The following FNBP1L variants were observed in gnomAD, a reference collection of about 807,000 sequenced individuals.
FNBP1L encodes formin-binding protein 1-like.
A neutral mutation model predicts 91.2 loss-of-function variants in FNBP1L; 36 were observed. That is an observed-to-expected ratio of 0.39 (90% CI 0.30 to 0.52). The LOEUF (loss-of-function observed/expected upper bound fraction) is 0.52. FNBP1L is among the 20% of genes least tolerant of loss of function. The pLI is 0.66. For synonymous variants in FNBP1L, 242 were observed against 237.0 expected, an observed-to-expected ratio of 1.02 and a Z score of -0.19; for missense variants, 571 against 732.1, an observed-to-expected ratio of 0.78 and a Z score of 2.54.
chr1:93,527,695 C>T (rs958714816), intron 5 of FNBP1L, among the ~76,000 whole-genome samples: 4 of 151,986 alleles, frequency 2.6e-5, no homozygotes, highest in Admixed American at 6.6e-5. Flanking sequence ...AAAGCCCGAT[C>T]GGTGGAGCTT....
At chr1:93,514,343 C>G (rs557464508) in intron 2 of FNBP1L, among the ~76,000 whole-genome samples, 2,641 of 151,596 alleles carry the variant, frequency 0.017, 39 homozygotes, top group Non-Finnish European at 0.027. Context: ...CCATACTGCC[C>G]AAGGTAATTT....
chr1:93,550,113 GGTCT>G (rs1191312225), intron 15 of FNBP1L, among the ~76,000 whole-genome samples: 1 of 152,164 alleles, frequency 6.6e-6, no homozygotes, highest in African/African-American at 2.4e-5. Flanking sequence ...CTTGATTTAA[GGTCT>G]TTCTCCCCAC....
chr1:93,448,864 C>G (rs1668375556), intron 1 of FNBP1L, among the ~76,000 whole-genome samples: 2 of 152,160 alleles, frequency 1.3e-5, no homozygotes, highest in Non-Finnish European at 2.9e-5. Flanking sequence ...GTTCGGAGCC[C>G]GGCCTCGGGC....
intron 1 of FNBP1L, among the ~76,000 whole-genome samples, chr1:93,456,931 C>G (rs1436593625): frequency 6.6e-6 from 1 of 152,138 alleles, no homozygotes; most frequent in Admixed American, 6.5e-5. Context: ...TTCCATAGCC[C>G]AGGCTGGAGT....
At chr1:93,452,229 T>A (rs1399444312) in intron 1 of FNBP1L, among the ~76,000 whole-genome samples, 6 of 152,230 alleles carry the variant, frequency 3.9e-5, no homozygotes, top group Admixed American at 3.9e-4. Flanking sequence ...TTTGCCCAAT[T>A]GCATTAATAG....
intron 1 of FNBP1L, among the ~76,000 whole-genome samples, chr1:93,458,442 A>G (rs1291284132): frequency 6.6e-6 from 1 of 152,154 alleles, no homozygotes; most frequent in East Asian, 1.9e-4. Context: ...GAAGAATGAA[A>G]CTAGACCTTC....
intron 11 of FNBP1L, 160 bp from the exon 12 acceptor site, chr1:93,543,947 A>G (rs1424238687): frequency 2.2e-6 from 1 of 450,538 alleles, no homozygotes; most frequent in Non-Finnish European, 4.1e-6. Context: ...ACGCATAAAC[A>G]CACACATCTG....
intron 2 of FNBP1L, among the ~76,000 whole-genome samples, chr1:93,513,281 C>T (rs890811591): frequency 7.3e-5 from 11 of 151,352 alleles, no homozygotes; most frequent in East Asian, 1.9e-4. Flanking sequence ...TAATCAATAG[C>T]TTACCAACCA....
At chr1:93,463,859 A>G (rs1484917065) in intron 1 of FNBP1L, among the ~76,000 whole-genome samples, 2 of 152,160 alleles carry the variant, frequency 1.3e-5, no homozygotes, top group Non-Finnish European at 2.9e-5. Flanking sequence ...CTCCTATCAC[A>G]TTTTACATTC....
At chr1:93,498,760 G>T (rs1382134805) in intron 1 of FNBP1L, among the ~76,000 whole-genome samples, 1 of 152,116 alleles carries the variant, frequency 6.6e-6, no homozygotes, top group Non-Finnish European at 1.5e-5. Context: ...TAGGACAGTG[G>T]TACTCTATTA....
chr1:93,454,314 T>TTGTG (rs899927941), intron 1 of FNBP1L, among the ~76,000 whole-genome samples: 5 of 145,886 alleles, frequency 3.4e-5, no homozygotes, highest in Admixed American at 6.9e-5. Flanking sequence ...CATGAACCTC[T>TTGTG]TGTGTGTGTG....
At chr1:93,494,350 C>T (rs914699323) in intron 1 of FNBP1L, among the ~76,000 whole-genome samples, 5 of 152,178 alleles carry the variant, frequency 3.3e-5, no homozygotes, top group Non-Finnish European at 5.9e-5. Context: ...TGTTCACCTA[C>T]CCAGAAGGTT....
chr1:93,448,462 C>T (rs1271684288), intron 1 of FNBP1L, among the ~76,000 whole-genome samples, 157 bp downstream of exon 1: 2 of 152,170 alleles, frequency 1.3e-5, no homozygotes, highest in Non-Finnish European at 2.9e-5. Flanking sequence ...TGTGCAGACT[C>T]CTCTTCCCTT....
intron 4 of FNBP1L, 104 bp from the exon 5 acceptor site, chr1:93,524,157 G>T: frequency 1.2e-6 from 1 of 844,428 alleles, no homozygotes. Context: ...AAAGTGAAAA[G>T]CCTTTTGGGG....
At chr1:93,516,541 C>T (rs754551657) in intron 2 of FNBP1L, among the ~76,000 whole-genome samples, 4 of 152,090 alleles carry the variant, frequency 2.6e-5, no homozygotes, top group East Asian at 1.9e-4. Context: ...CTGGGCTGGG[C>T]ACGATGGCTC....
intron 2 of FNBP1L, among the ~76,000 whole-genome samples, chr1:93,512,943 AG>A (rs1670915427): frequency 6.6e-6 from 1 of 152,094 alleles, no homozygotes; most frequent in Non-Finnish European, 1.5e-5. Flanking sequence ...TGAAGGAAAT[AG>A]AGACACAAAA....
At chr1:93,449,220 A>C (rs1668394523) in intron 1 of FNBP1L, among the ~76,000 whole-genome samples, 2 of 151,936 alleles carry the variant, frequency 1.3e-5, no homozygotes, top group African/African-American at 4.8e-5. Context: ...AGGTCGGAGA[A>C]TTTGCTCCTG....
chr1:93,489,708 A>C (rs1229162611), intron 1 of FNBP1L, among the ~76,000 whole-genome samples: 3 of 152,196 alleles, frequency 2.0e-5, no homozygotes, highest in Non-Finnish European at 4.4e-5. Context: ...TTAAAAAAAC[A>C]ACACCATGAG....
intron 1 of FNBP1L, among the ~76,000 whole-genome samples, chr1:93,458,420 G>A (rs531474904): frequency 2.1e-4 from 32 of 152,100 alleles, no homozygotes; most frequent in Non-Finnish European, 3.4e-4. Flanking sequence ...ATGAGCTACC[G>A]TGCCCAGCCC....
Sources: allele counts gnomAD v4.1 joint callset (sites outside exome capture counted in the v4.1 genomes callset), GRCh38; gene constraint gnomAD v4.1.1; transcripts MANE v1.5; gene names NCBI Gene and HGNC (gene_info 2026-07-23, HGNC 2026-07-21).